Variants in MKLN1 observed in about 807,000 individuals in gnomAD.
MKLN1 encodes the protein muskelin.
MKLN1 carries 18 observed loss-of-function variants against 99.0 expected under a neutral mutation model. The observed-to-expected ratio is 0.18, with a 90% CI of 0.13 to 0.27. The LOEUF (loss-of-function observed/expected upper bound fraction) is 0.27, where lower values mean the gene tolerates loss of function less well. Ranked by LOEUF, MKLN1 falls within the 10% of genes least tolerant of loss-of-function variation. The pLI is 1.00. For synonymous variants in MKLN1, 288 were observed against 293.2 expected, an observed-to-expected ratio of 0.98 and a Z score of 0.18; for missense variants, 621 against 875.9, an observed-to-expected ratio of 0.71 and a Z score of 3.67.
At chr7:131,210,950 C>T (rs1796896855) in intron 3 of MKLN1, among the ~76,000 whole-genome samples, 1 of 151,372 alleles carries the variant, frequency 6.6e-6, no homozygotes. Flanking sequence ...GAGGAACAGG[C>T]AGGTTCCCAC....
chr7:131,295,260 G>T (rs1391648408), intron 3 of MKLN1, among the ~76,000 whole-genome samples: 1 of 151,982 alleles, frequency 6.6e-6, no homozygotes, highest in Non-Finnish European at 1.5e-5. Context: ...TCCCACCTTG[G>T]TCTCTCAAAG....
At chr7:131,253,722 C>A (rs1241306862) in intron 3 of MKLN1, among the ~76,000 whole-genome samples, 1 of 152,132 alleles carries the variant, frequency 6.6e-6, no homozygotes, top group African/African-American at 2.4e-5. Context: ...AACAGAGAGG[C>A]CTGAAGCTCT....
intron 1 of MKLN1, among the ~76,000 whole-genome samples, chr7:131,136,890 C>T (rs564957132): frequency 2.6e-5 from 4 of 152,324 alleles, no homozygotes; most frequent in South Asian, 2.1e-4. Context: ...ACCACATTTG[C>T]GTGTAGTTCA....
chr7:131,247,171 A>G (rs182258952), intron 3 of MKLN1, among the ~76,000 whole-genome samples: 1 of 152,062 alleles, frequency 6.6e-6, no homozygotes, highest in Non-Finnish European at 1.5e-5. Flanking sequence ...GTTAAGATAC[A>G]TGAAGCAGAG....
At chr7:131,192,265 TATAAATATATAAA>T (rs1301811650) in intron 2 of MKLN1, among the ~76,000 whole-genome samples, 37 of 86,100 alleles carry the variant, frequency 4.3e-4, no homozygotes, top group Admixed American at 8.8e-4. Flanking sequence ...ATATACAATA[TATAAATATATAAA>T]ATATATAATA....
rs146233371 is a variant in MKLN1 at position 131,130,377 on chromosome 7, T to G, written c.-418-12443T>G. Among the ~76,000 whole-genome samples, 303 of 152,324 alleles carry G rather than the reference T, an allele frequency of 2.0e-3. 2 individuals are homozygous for G. Among genetic ancestry groups the G allele is most frequent in the African/African-American group, 6.7e-3 (279 of 41,572 alleles). ...AAGTTGGTATCAACGAGAGCCAACCTGGGTTCACTTAAGTACTTCCAAACC... is the reference window on the plus strand; with the variant it reads ...AAGTTGGTATCAACGAGAGCCAACCGGGGTTCACTTAAGTACTTCCAAACC... On this transcript the variant is annotated intron_variant, in intron 1 of 7. Transcript: ENST00000416992.
chr7:131,293,996 A>G (rs375104016), intron 3 of MKLN1, among the ~76,000 whole-genome samples: 4 of 152,064 alleles, frequency 2.6e-5, no homozygotes, highest in African/African-American at 9.6e-5. Context: ...TGGTCTCTAG[A>G]TACTAGATAC....
chr7:131,265,717 A>G (rs1315116025), intron 3 of MKLN1, among the ~76,000 whole-genome samples: 2 of 152,198 alleles, frequency 1.3e-5, no homozygotes, highest in Non-Finnish European at 1.5e-5. Flanking sequence ...CATTGCTTCA[A>G]CTATGTCTAG....
At chr7:131,247,637 A>T (rs1584865749) in intron 3 of MKLN1, among the ~76,000 whole-genome samples, 2 of 152,278 alleles carry the variant, frequency 1.3e-5, no homozygotes, top group African/African-American at 4.8e-5. Flanking sequence ...TGTCCAATCA[A>T]AACTGCCCCA....
chr7:131,166,126 T>C (rs1264262263), intron 2 of MKLN1, among the ~76,000 whole-genome samples: 2 of 151,654 alleles, frequency 1.3e-5, no homozygotes, highest in African/African-American at 4.8e-5. Flanking sequence ...AAAATGATTA[T>C]GGTAGGCTTT....
intron 1 of MKLN1, among the ~76,000 whole-genome samples, chr7:131,133,353 C>CTTTTTTTT (rs1198245681): frequency 2.8e-3 from 259 of 93,592 alleles, no homozygotes; most frequent in Non-Finnish European, 3.5e-3. Flanking sequence ...TTCTTTCTTT[C>CTTTTTTTT]TTTTTTTTTT....
chr7:131,491,154 G>A lies in MKLN1; in HGVS notation c.*3426G>A, dbSNP rs1366936470. 1.3e-5 allele frequency: 2 copies of A among 151,868 alleles called. No individual in the cohort carries two copies. The allele number at this position is 151,868 out of a possible 1,614,324, so 9.4% of individuals were successfully genotyped here. A position where few individuals can be genotyped will look rare whatever the true frequency, so the allele number is the denominator to read the frequency against. Reference sequence around the variant, plus strand: ...ATGTTGCACAGTATTTGAGAATTACGGTTTGAAGTGATTTCTGTGGGAGGG... The same window carrying A: ...ATGTTGCACAGTATTTGAGAATTACAGTTTGAAGTGATTTCTGTGGGAGGG... On this transcript the variant is annotated 3_prime_UTR_variant, in exon 18 of 18. Transcript: ENST00000352689.
At chr7:131,368,813 A>G (rs1800257318) in intron 1 of MKLN1, among the ~76,000 whole-genome samples, 1 of 152,162 alleles carries the variant, frequency 6.6e-6, no homozygotes, top group African/African-American at 2.4e-5. Flanking sequence ...TATTTTCAAC[A>G]ATAACTTTTT....
intron 3 of MKLN1, among the ~76,000 whole-genome samples, chr7:131,278,641 G>T (rs935471345): frequency 1.3e-5 from 2 of 151,848 alleles, no homozygotes; most frequent in African/African-American, 4.8e-5. Flanking sequence ...AAGAGACAGG[G>T]TGTCATTCTG....
intron 1 of MKLN1, among the ~76,000 whole-genome samples, chr7:131,111,504 A>G (rs1442068138): frequency 1.3e-5 from 2 of 152,222 alleles, no homozygotes; most frequent in Non-Finnish European, 2.9e-5. Flanking sequence ...CTGGTAAAAC[A>G]TTATCAAACT....
intron 3 of MKLN1, among the ~76,000 whole-genome samples, chr7:131,251,093 A>ACGTGTG (rs1554542497): frequency 1.4e-5 from 2 of 146,160 alleles, no homozygotes; most frequent in Non-Finnish European, 1.5e-5. Flanking sequence ...TGGGGCCCAG[A>ACGTGTG]TGTGTGTGTG....
chr7:131,157,493 A>C (rs1795986918), intron 2 of MKLN1, among the ~76,000 whole-genome samples: 1 of 152,330 alleles, frequency 6.6e-6, no homozygotes, highest in African/African-American at 2.4e-5. Flanking sequence ...TCTGTAACAT[A>C]GGTGTGATAT....
At chr7:131,426,805 A>AGTGCAGTG (rs1257374182) in intron 8 of MKLN1, among the ~76,000 whole-genome samples, 1 of 151,504 alleles carries the variant, frequency 6.6e-6, no homozygotes, top group Admixed American at 6.6e-5. Context: ...CCCAGGCTGG[A>AGTGCAGTG]GTGCAGTGGT....
intron 3 of MKLN1, among the ~76,000 whole-genome samples, chr7:131,301,998 A>G (rs1312498690): frequency 6.6e-6 from 1 of 152,238 alleles, no homozygotes; most frequent in East Asian, 1.9e-4. Context: ...CATGTGAAAT[A>G]GGAAAAGTTT....
Sources: gnomAD v4.1 joint callset for allele counts (sites outside exome capture counted in the v4.1 genomes callset) on GRCh38, gnomAD v4.1.1 for gene constraint, MANE v1.5 for transcripts, NCBI Gene and HGNC (gene_info 2026-07-23, HGNC 2026-07-21) for gene names.